Variants in NFAT5 observed in about 807,000 individuals in gnomAD.
The protein encoded by NFAT5 is nuclear factor of activated T-cells 5.
In NFAT5, 31 loss-of-function variants were observed where a neutral mutation model predicts 166.5. The ratio of observed to expected loss-of-function variants is 0.19; its 90% CI spans 0.14 to 0.25. The LOEUF is 0.25. NFAT5 is among the 10% of genes least tolerant of loss of function. The pLI is 1.00. For missense variants in NFAT5, 1,449 were observed against 1,821.8 expected, an observed-to-expected ratio of 0.80 and a Z score of 3.72; for synonymous variants, 612 against 639.7, an observed-to-expected ratio of 0.96 and a Z score of 0.65.
At chr16:69,597,767 A>AT (rs1030542759) in intron 2 of NFAT5, among the ~76,000 whole-genome samples, 38 of 151,656 alleles carry the variant, frequency 2.5e-4, no homozygotes, top group African/African-American at 6.5e-4. Flanking sequence ...AATTTTTTGT[A>AT]TTTTTTTAGT....
At chr16:69,671,676 T>C (rs2036626809) in intron 9 of NFAT5, among the ~76,000 whole-genome samples, 1 of 152,190 alleles carries the variant, frequency 6.6e-6, no homozygotes, top group Admixed American at 6.5e-5. Context: ...GCCTAGTGCC[T>C]ATAGTTTTAC....
intron 2 of NFAT5, among the ~76,000 whole-genome samples, chr16:69,580,150 T>C (rs1374966712): frequency 6.6e-6 from 1 of 152,062 alleles, no homozygotes; most frequent in African/African-American, 2.4e-5. Context: ...TAATGTAATA[T>C]GTATTTTAAT....
At position 69,647,319 on chromosome 16, in the gene NFAT5, G is replaced by A. The variant is rs1039090408; in HGVS notation, c.545G>A (p.Cys182Tyr). Residue 182 changes from cysteine (C) to tyrosine (Y), a missense_variant, in exon 4 of 15, where the codon TGT becomes TAT. Cys to Tyr is a radical substitution (Grantham distance 194). Around this residue, in one of 7 missense-constraint regions of NFAT5, gnomAD observed 115 missense variants for 177.1 expected, o/e 0.65. Coordinates refer to ENST00000349945, the MANE Select transcript of NFAT5 (RefSeq NM_138713.4). This position sits in a 1 kb window ranked among gnomAD's most constrained non-coding sequence, Gnocchi z 4.8. Reference sequence around the variant, plus strand: ...CGGATGTCCTGCCAGGATGAGGGGTGTGGATTGGAATCTGAGCAGAGCTGC... The same window carrying A: ...CGGATGTCCTGCCAGGATGAGGGGTATGGATTGGAATCTGAGCAGAGCTGC... ...NSRMSCQDEG[C>Y]GLESEQSCSM... 3 of 1,614,244 alleles carry A rather than the reference G, an allele frequency of 1.9e-6. No individual in the cohort carries two copies. The highest frequency in any genetic ancestry group is 2.2e-5 in the East Asian group (1 of 44,886).
rs1282580664 is a variant in NFAT5, at chr16:69,703,073, G to A, written c.*6722G>A. The A allele has an allele frequency of 6.6e-6, 1 of 152,446 alleles. No homozygotes were observed. The highest frequency in any genetic ancestry group is 1.5e-5 in the Non-Finnish European group (1 of 68,026). 9.4% of individuals were successfully genotyped at this position (152,446 alleles called of 1,614,324 possible). On this transcript the variant is annotated 3_prime_UTR_variant, in exon 15 of 15. Coordinates refer to ENST00000349945, the MANE Select transcript of NFAT5 (RefSeq NM_138713.4). ...AAGTCTCCTGTTTATCCATAAAATGGGTACATTATGGGCAGTGTAATACAA... is the reference window on the plus strand; with the variant it reads ...AAGTCTCCTGTTTATCCATAAAATGAGTACATTATGGGCAGTGTAATACAA...
intron 6 of NFAT5, among the ~76,000 whole-genome samples, chr16:69,657,114 A>G (rs1181273296): frequency 6.7e-6 from 1 of 149,852 alleles, no homozygotes; most frequent in Non-Finnish European, 1.5e-5. Context: ...TGGAAAAGAC[A>G]TTTTGAGAAA....
chr16:69,623,952 T>A (rs2034323867), intron 2 of NFAT5, among the ~76,000 whole-genome samples: 1 of 151,628 alleles, frequency 6.6e-6, no homozygotes, highest in Non-Finnish European at 1.5e-5. Context: ...GGTCTCACCA[T>A]GTTGGCCAGG....
intron 2 of NFAT5, among the ~76,000 whole-genome samples, chr16:69,594,696 G>A (rs2032685342): frequency 6.6e-6 from 1 of 152,088 alleles, no homozygotes; most frequent in African/African-American, 2.4e-5. Flanking sequence ...TTATAAATAA[G>A]GCACAGTAGG....
At chr16:69,573,118 G>C (rs936369848) in intron 2 of NFAT5, among the ~76,000 whole-genome samples, 1 of 152,118 alleles carries the variant, frequency 6.6e-6, no homozygotes, top group African/African-American at 2.4e-5. Context: ...CTAGGATTAC[G>C]GGCATGTGCC....
chr16:69,580,944 C>T (rs1330862435), intron 2 of NFAT5, among the ~76,000 whole-genome samples: 1 of 152,164 alleles, frequency 6.6e-6, no homozygotes, highest in African/African-American at 2.4e-5. Flanking sequence ...CGTGAGCTGC[C>T]GCACCCGGCC....
intron 11 of NFAT5, among the ~76,000 whole-genome samples, chr16:69,686,226 G>C (rs901101985): frequency 1.3e-5 from 2 of 151,950 alleles, no homozygotes. Flanking sequence ...GGTGATGTGT[G>C]CCTGTAATCC....
intron 2 of NFAT5, among the ~76,000 whole-genome samples, chr16:69,623,301 A>G (rs1220601858): frequency 6.8e-6 from 1 of 147,450 alleles, no homozygotes; most frequent in Admixed American, 6.8e-5. Context: ...CTCCCTCCAT[A>G]TTGTTTGAAA....
rs1476166342 is a variant in NFAT5 at position 69,703,974 on chromosome 16, ATAT to A, written c.*7628_*7630del. 6.6e-6 allele frequency: 1 copy of A among 152,330 alleles called. No homozygotes were observed. Among genetic ancestry groups the A allele is most frequent in the Non-Finnish European group, 1.5e-5 (1 of 68,008 alleles). 9.4% of individuals were successfully genotyped at this position (152,330 alleles called of 1,614,324 possible). On this transcript the variant is annotated 3_prime_UTR_variant, in exon 15 of 15. Transcript: ENST00000349945. ...AAATATTTTGTAGGGATTGCTTATT[ATAT>A]TATTTTAGCTGATGAACCTCAGGAC... is the stretch of plus-strand genomic sequence containing the variant.
chr16:69,663,352 T>C (rs146679801), intron 7 of NFAT5, among the ~76,000 whole-genome samples: 3 of 152,324 alleles, frequency 2.0e-5, no homozygotes, highest in African/African-American at 7.2e-5. Context: ...TCTTAACATC[T>C]TTCATGTTCT....
At chr16:69,657,588 G>A (rs2035937313) in intron 6 of NFAT5, among the ~76,000 whole-genome samples, 1 of 148,562 alleles carries the variant, frequency 6.7e-6, no homozygotes, top group Non-Finnish European at 1.5e-5. Context: ...GAGAAACCCT[G>A]TCTCTACTAA....
At chr16:69,577,928 G>A (rs2016849748) in intron 2 of NFAT5, among the ~76,000 whole-genome samples, 1 of 152,084 alleles carries the variant, frequency 6.6e-6, no homozygotes, top group Admixed American at 6.6e-5. Flanking sequence ...AGGAGGTAGA[G>A]GATGCAGTGA....
chr16:69,573,910 G>A (rs189279940), intron 2 of NFAT5, among the ~76,000 whole-genome samples: 1 of 109,912 alleles, frequency 9.1e-6, no homozygotes, highest in Non-Finnish European at 1.8e-5. Context: ...TTTCGCTCTT[G>A]TTGCCCAGGC....
chr16:69,576,084 C>T (rs1010296472), intron 2 of NFAT5, among the ~76,000 whole-genome samples: 2 of 151,586 alleles, frequency 1.3e-5, no homozygotes, highest in African/African-American at 4.9e-5. Context: ...GGGCGGATCA[C>T]GAGGTCAGGA....
chr16:69,617,302 A>C (rs910765733), intron 2 of NFAT5, among the ~76,000 whole-genome samples: 5 of 152,182 alleles, frequency 3.3e-5, no homozygotes, highest in African/African-American at 1.2e-4. Context: ...AATTATAAAT[A>C]AACCATAAAT....
chr16:69,692,369 T>G lies in NFAT5; in HGVS notation c.2544T>G (p.Ile848Met). The G allele has an allele frequency of 6.2e-7, 1 of 1,614,226 alleles. No homozygotes were observed. Among genetic ancestry groups the G allele is most frequent in the South Asian group, 1.1e-5 (1 of 91,088 alleles). Residue 848 changes from isoleucine (I) to methionine (M), a missense_variant, in exon 13 of 15, where the codon ATT (isoleucine) becomes ATG (methionine). Physicochemically the swap from Ile to Met is conservative, Grantham distance 10 (BLOSUM62 1). Around this residue, in one of 7 missense-constraint regions of NFAT5, gnomAD observed 891 missense variants for 993.0 expected, o/e 0.90. Transcript: ENST00000349945. ...TTCAAGAGCAGCTTAGTGCAGATAT[T>G]TTTCAACAAGTCAGTCAAATTCAGA... Reference protein sequence around the residue: ...ENVQEQLSADIFQQVSQIQSG... With the variant: ...ENVQEQLSADMFQQVSQIQSG...
Sources: allele counts gnomAD v4.1 joint callset (sites outside exome capture counted in the v4.1 genomes callset), GRCh38; gene constraint gnomAD v4.1.1; regional missense constraint gnomAD v4.1.1; non-coding constraint Gnocchi (gnomAD v3.1); transcripts MANE v1.5; gene names NCBI Gene and HGNC (gene_info 2026-07-23, HGNC 2026-07-21).